Variants in CSMD1 observed in about 807,000 individuals in gnomAD.
CSMD1 encodes the protein CUB and sushi domain-containing protein 1.
Under a neutral mutation model 417.5 loss-of-function variants are expected in CSMD1, and 213 were observed. The observed-to-expected ratio is 0.51, with a 90% CI of 0.46 to 0.57. The LOEUF is 0.57. Among genes scored for constraint, CSMD1 ranks in the 20% least tolerant of loss-of-function variants. The pLI is 0.00. For missense variants in CSMD1, 6,923 were observed against 4,529.7 expected (o/e 1.53, Z -15.17); for synonymous variants, 2,862 against 1,736.8 (o/e 1.65, Z -16.11).
intron 1 of CSMD1, among the ~76,000 whole-genome samples, chr8:4,734,913 C>G (rs932945392): frequency 1.3e-5 from 2 of 152,122 alleles, no homozygotes; most frequent in African/African-American, 4.8e-5. Context: ...ATTTCCTTCT[C>G]CTAGGAGGTC....
intron 47 of CSMD1, among the ~76,000 whole-genome samples, chr8:3,095,896 C>T: frequency 6.6e-6 from 1 of 152,124 alleles, no homozygotes; most frequent in East Asian, 1.9e-4. Flanking sequence ...AATCATAAGA[C>T]TATTGTTGAA....
intron 10 of CSMD1, among the ~76,000 whole-genome samples, chr8:3,556,417 A>ATATT (rs1211477367): frequency 2.0e-4 from 29 of 145,132 alleles, no homozygotes; most frequent in Non-Finnish European, 3.9e-4. Flanking sequence ...ATATATATTC[A>ATATT]CACACACAAA....
intron 21 of CSMD1, among the ~76,000 whole-genome samples, chr8:3,355,222 G>C (rs544450425): frequency 6.6e-6 from 1 of 151,556 alleles, no homozygotes; most frequent in Non-Finnish European, 1.5e-5. Context: ...TACTAGATAC[G>C]GATTTAAGGC....
rs71502985 is a variant in CSMD1 at position 4,312,548 on chromosome 8, G to C, written c.415+107405C>G. 2.7e-5 allele frequency among the ~76,000 whole-genome samples: 4 copies of C among 150,236 alleles called. No individual in the cohort carries two copies. In the South Asian group the frequency reaches 8.4e-4, roughly 32 times the overall value. Reference sequence around the variant, plus strand: ...TTATTGAGAATGATGAAATTGAAAGGGCTCACAGTCGTTCTATTTATGAGC... The same window carrying C: ...TTATTGAGAATGATGAAATTGAAAGCGCTCACAGTCGTTCTATTTATGAGC... On this transcript the variant is annotated intron_variant, in intron 3 of 69. Transcript: ENST00000635120.
intron 1 of CSMD1, among the ~76,000 whole-genome samples, chr8:4,853,499 T>C (rs1474305475): frequency 6.6e-6 from 1 of 152,230 alleles, no homozygotes; most frequent in African/African-American, 2.4e-5. Flanking sequence ...AAAGGAGGCT[T>C]GGCAGCTTCC....
intron 7 of CSMD1, among the ~76,000 whole-genome samples, chr8:3,621,740 C>T (rs4875760): frequency 0.36 from 54,113 of 151,254 alleles, 10,172 homozygotes; most frequent in Middle Eastern, 0.47. Flanking sequence ...CCACCACTCC[C>T]AGCTAATGTT....
At chr8:4,434,823 C>G (rs1332797031) in intron 2 of CSMD1, among the ~76,000 whole-genome samples, 1 of 152,174 alleles carries the variant, frequency 6.6e-6, no homozygotes, top group African/African-American at 2.4e-5. Context: ...TTCACCAGGG[C>G]TCAACCATCC....
chr8:3,884,352 T>G (rs1165624018), intron 5 of CSMD1, among the ~76,000 whole-genome samples: 1 of 152,202 alleles, frequency 6.6e-6, no homozygotes, highest in Non-Finnish European at 1.5e-5. Context: ...ATCAACTGAT[T>G]CCCTAGAGAA....
intron 26 of CSMD1, among the ~76,000 whole-genome samples, chr8:3,254,634 C>A (rs914341696): frequency 2.0e-5 from 3 of 152,204 alleles, no homozygotes; most frequent in Non-Finnish European, 4.4e-5. Context: ...TCTTCCATCA[C>A]TGATACCCTT....
intron 2 of CSMD1, among the ~76,000 whole-genome samples, chr8:4,486,800 C>G (rs2130177912): frequency 6.6e-6 from 1 of 152,280 alleles, no homozygotes; most frequent in East Asian, 1.9e-4. Flanking sequence ...ACTGCCTCTG[C>G]TCTGCTGCAA....
At chr8:3,930,642 T>G (rs1203428666) in intron 5 of CSMD1, among the ~76,000 whole-genome samples, 3 of 150,282 alleles carry the variant, frequency 2.0e-5, no homozygotes, top group Non-Finnish European at 4.4e-5. Flanking sequence ...TAAGTGACCC[T>G]GTCTCCTTTG....
At chr8:3,397,748 G>A (rs1469315886) in intron 16 of CSMD1, among the ~76,000 whole-genome samples, 5 of 152,186 alleles carry the variant, frequency 3.3e-5, no homozygotes. Context: ...CTGACAAAGT[G>A]CCTATTTCAA....
chr8:3,859,825 A>T (rs987957090), intron 5 of CSMD1, among the ~76,000 whole-genome samples: 1 of 152,188 alleles, frequency 6.6e-6, no homozygotes, highest in African/African-American at 2.4e-5. Flanking sequence ...AACAGGCAGG[A>T]GAAGCTGCAC....
At chr8:3,861,788 G>A (rs1207005103) in intron 5 of CSMD1, among the ~76,000 whole-genome samples, 4 of 152,140 alleles carry the variant, frequency 2.6e-5, no homozygotes, top group African/African-American at 9.7e-5. Context: ...TGAGTATCCT[G>A]TCTGCTTATC....
At chr8:3,918,637 A>G (rs949324335) in intron 5 of CSMD1, among the ~76,000 whole-genome samples, 1 of 152,140 alleles carries the variant, frequency 6.6e-6, no homozygotes, top group African/African-American at 2.4e-5. Context: ...AATTCCCATC[A>G]AAAACGAGTG....
In CSMD1 at chr8:3,692,721, C is replaced by T. The variant is rs183377728; in HGVS notation, c.1009+15693G>A. ...GTGCTGGGATTACAGGCATAAGCCA[C>T]CACGCCTGGCCACAACAATTTCTGA... On this transcript the variant is annotated intron_variant, in intron 7 of 69. Transcript: ENST00000635120. Among the ~76,000 whole-genome samples the T allele has an allele frequency of 4.6e-3, 705 of 152,260 alleles. 9 individuals carry two copies. The highest frequency in any genetic ancestry group is 0.016 in the African/African-American group (670 of 41,544).
chr8:4,171,072 C>A (rs1001676376), intron 3 of CSMD1, among the ~76,000 whole-genome samples: 2 of 151,860 alleles, frequency 1.3e-5, no homozygotes, highest in African/African-American at 4.9e-5. Context: ...GTGTTCCCCT[C>A]CACGGTGCTT....
At chr8:3,425,204 G>C (rs1373770721) in intron 12 of CSMD1, among the ~76,000 whole-genome samples, 1 of 152,190 alleles carries the variant, frequency 6.6e-6, no homozygotes, top group Non-Finnish European at 1.5e-5. Flanking sequence ...TACGCATAGA[G>C]AAAGCATAAT....
chr8:4,994,235 C>G (rs1043097209), intron 1 of CSMD1, 97 bp downstream of exon 1: 201 of 1,113,126 alleles, frequency 1.8e-4, no homozygotes, highest in Non-Finnish European at 2.4e-4. Context: ...GAGGCGGCCA[C>G]TCCGTACCCT....
Sources: gnomAD v4.1 joint callset for allele counts (sites outside exome capture counted in the v4.1 genomes callset) on GRCh38, gnomAD v4.1.1 for gene constraint, MANE v1.5 for transcripts, NCBI Gene and HGNC (gene_info 2026-07-23, HGNC 2026-07-21) for gene names.